CCND3: variants seen among roughly 807,000 people sequenced by gnomAD.
CCND3 encodes G1/S-specific cyclin-D3.
CCND3 carries 9 observed loss-of-function variants against 28.7 expected under a neutral mutation model. The observed-to-expected ratio is 0.31, with a 90% CI of 0.19 to 0.55. CCND3 has a LOEUF of 0.55. Among genes scored for constraint, CCND3 ranks in the 20% least tolerant of loss-of-function variants. The pLI, the probability that CCND3 is intolerant of heterozygous loss-of-function variation, is 0.93. For missense variants in CCND3, 315 were observed against 385.8 expected, an observed-to-expected ratio of 0.82 and a Z score of 1.54; for synonymous variants, 164 against 163.9, an observed-to-expected ratio of 1.00 and a Z score of 0.00.
rs749786888 is a variant in CCND3 at position 41,936,617 on chromosome 6, C to T, written c.653G>A (p.Cys218Tyr). The T allele has an allele frequency of 1.1e-5, 17 of 1,614,218 alleles. No individual in the cohort carries two copies. Among genetic ancestry groups the T allele is most frequent in the Non-Finnish European group, 1.4e-5 (16 of 1,180,032 alleles). ...TGTGAGCTCATCCCCGGACATGGAG[C>T]AGGCACCCAGGCCTTGCACTGCAGC... is the stretch of plus-strand genomic sequence containing the variant. ...IGAAVQGLGA[C>Y]SMSGDELTEL... Residue 218 changes from cysteine (C) to tyrosine (Y), a missense_variant, in exon 4 of 5, where the codon TGC (cysteine) becomes TAC (tyrosine). Physicochemically the swap from Cys to Tyr is radical, Grantham distance 194. Transcript: ENST00000372991. This position sits in a 1 kb window ranked among gnomAD's most constrained non-coding sequence, Gnocchi z 4.4.
At chr6:41,960,137 G>T (rs1561962150) in intron 1 of CCND3, among the ~76,000 whole-genome samples, 1 of 152,144 alleles carries the variant, frequency 6.6e-6, no homozygotes, top group Non-Finnish European at 1.5e-5. Flanking sequence ...ACGTACAAAA[G>T]ACCACATATT....
rs149287478 is a variant in CCND3 at position 41,983,293 on chromosome 6, G to A, written c.-45-42708C>T. Among the ~76,000 whole-genome samples the A allele has an allele frequency of 8.0e-3, 1,202 of 151,016 alleles. 14 individuals are homozygous for A. The highest frequency in any genetic ancestry group is 0.028 in the Middle Eastern group (8 of 290). On this transcript the variant is annotated intron_variant, in intron 1 of 4. Transcript: ENST00000372988. The stretch of plus-strand genomic sequence containing the variant: ...CTCGGGAGGCTGAGGTAGGAAAATC[G>A]CTTGAGCCCAGGAGGTTGCACTGAG...
At chr6:41,964,330 ATGTG>A (rs750342379) in intron 1 of CCND3, among the ~76,000 whole-genome samples, 27 of 94,508 alleles carry the variant, frequency 2.9e-4, no homozygotes, top group Admixed American at 2.0e-3. Context: ...GTGTGTGTGA[ATGTG>A]TGTGTGAATG....
rs1763412418 is a variant in CCND3, at chr6:42,013,916, A to G, written c.-46+34585T>C. Among the ~76,000 whole-genome samples, 3 of 151,972 alleles carry G rather than the reference A, an allele frequency of 2.0e-5. No homozygotes were observed. The South Asian group carries it at 6.2e-4, about 31-fold the overall frequency. On this transcript the variant is annotated intron_variant, in intron 1 of 4. Coordinates refer to the CCND3 transcript ENST00000372988. ...GTAAAACTCCATTTCCACGAAAGAT[A>G]CAAAAATTAGCTGGGCGTGGTGGTG...
rs545320100 is a variant in CCND3 at position 41,986,451 on chromosome 6, A to G, written c.-45-45866T>C. Among the ~76,000 whole-genome samples the G allele has an allele frequency of 1.2e-4, 18 of 152,036 alleles. No homozygotes were observed. The East Asian group carries it at 3.3e-3, about 28-fold the overall frequency. On this transcript the variant is annotated intron_variant, in intron 1 of 4. Transcript: ENST00000372988. Reference sequence around the variant, plus strand: ...ATTTGTGTCTTCTTTAATTTATTTCATCAATATTTTATAGTTTTCTATGTA... The same window carrying G: ...ATTTGTGTCTTCTTTAATTTATTTCGTCAATATTTTATAGTTTTCTATGTA...
rs35776222 is a variant in CCND3, at chr6:41,989,454, C to CAAAAAAAAAAAAAAAAAAAAAAAA, written c.-45-48870_-45-48869insTTTTTTTTTTTTTTTTTTTTTTTT. ...GGGCGACAAGAGTGAAACACTGTCT[C>CAAAAAAAAAAAAAAAAAAAAAAAA]AAAAAAAAAAAACAAAAAAAAAAAA... is the stretch of plus-strand genomic sequence containing the variant. On this transcript the variant is annotated intron_variant, in intron 1 of 4. Coordinates refer to the CCND3 transcript ENST00000372988. Among the ~76,000 whole-genome samples the CAAAAAAAAAAAAAAAAAAAAAAAA allele has an allele frequency of 1.4e-4, 3 of 21,706 alleles. 1 individual carries two copies. The highest frequency in any genetic ancestry group is 4.5e-4 in the Admixed American group (1 of 2,224). 14.2% of individuals were successfully genotyped at this position (21,706 alleles called of 152,430 possible).
chr6:41,962,106 T>C (rs1761734452), intron 1 of CCND3, among the ~76,000 whole-genome samples: 1 of 151,586 alleles, frequency 6.6e-6, no homozygotes, highest in South Asian at 2.1e-4. Flanking sequence ...GCAGTCTTTC[T>C]TTTTTTCTTT....
At chr6:42,032,050 C>T (rs1336891298) in intron 1 of CCND3, among the ~76,000 whole-genome samples, 1 of 152,134 alleles carries the variant, frequency 6.6e-6, no homozygotes, top group Non-Finnish European at 1.5e-5. Context: ...CTTGGCCTCC[C>T]AAAGTGCTGG....
intron 1 of CCND3, among the ~76,000 whole-genome samples, chr6:42,007,737 A>G (rs1042598856): frequency 6.6e-6 from 1 of 152,238 alleles, no homozygotes; most frequent in Non-Finnish European, 1.5e-5. Context: ...CGAGAGCCAG[A>G]AAGGGCTGGA....
At chr6:41,975,257 T>C (rs1582123499) in intron 1 of CCND3, among the ~76,000 whole-genome samples, 1 of 152,224 alleles carries the variant, frequency 6.6e-6, no homozygotes, top group Non-Finnish European at 1.5e-5. Flanking sequence ...ACAAGAACAC[T>C]GTGAGCTTCG....
chr6:41,964,412 CTG>C lies in CCND3; in HGVS notation c.-45-23829_-45-23828del, dbSNP rs565677725. ...TGTGTGCATGTGTGAATGTGTGTGT[CTG>C]TGTGTGAATGTGTTTGTGTGTATGT... is the stretch of plus-strand genomic sequence containing the variant. On this transcript the variant is annotated intron_variant, in intron 1 of 4. Coordinates refer to the CCND3 transcript ENST00000372988. 7.5e-4 allele frequency among the ~76,000 whole-genome samples: 97 copies of C among 129,796 alleles called. 1 individual carries two copies. The highest frequency in any genetic ancestry group is 7.3e-3 in the South Asian group (29 of 4,000). 85.2% of individuals were successfully genotyped at this position (129,796 alleles called of 152,430 possible). A position where few individuals can be genotyped will look rare whatever the true frequency, so the allele number is the denominator to read the frequency against.
intron 1 of CCND3, among the ~76,000 whole-genome samples, chr6:42,042,561 T>C (rs75013041): frequency 6.6e-6 from 1 of 152,140 alleles, no homozygotes; most frequent in Non-Finnish European, 1.5e-5. Context: ...GGTTTCTCCA[T>C]GTCGGTCAGG....
intron 1 of CCND3, chr6:42,011,129 AT>A: frequency 6.6e-6 from 1 of 152,096 alleles, no homozygotes. Flanking sequence ...TCACTGACTG[AT>A]TGATTGACTG....
At chr6:41,950,367 T>G (rs988717476) in intron 1 of CCND3, among the ~76,000 whole-genome samples, 3 of 152,122 alleles carry the variant, frequency 2.0e-5, no homozygotes. Flanking sequence ...TAGTTTGGCT[T>G]AGTCATTAAG....
chr6:41,968,704 C>T (rs1231910325), intron 1 of CCND3, among the ~76,000 whole-genome samples: 1 of 152,160 alleles, frequency 6.6e-6, no homozygotes, highest in Non-Finnish European at 1.5e-5. Flanking sequence ...GATGTTTCAG[C>T]TCTTTTTTCT....
chr6:42,043,402 G>A (rs1327163585), intron 1 of CCND3, among the ~76,000 whole-genome samples: 1 of 152,198 alleles, frequency 6.6e-6, no homozygotes, highest in Non-Finnish European at 1.5e-5. Flanking sequence ...GTGGTGGCGG[G>A]TGCCTGTAAT....
At chr6:42,029,485 T>C (rs1050805887) in intron 1 of CCND3, among the ~76,000 whole-genome samples, 10 of 152,074 alleles carry the variant, frequency 6.6e-5, no homozygotes, top group African/African-American at 2.4e-4. Flanking sequence ...TACAGTGATG[T>C]GGCACCATGC....
chr6:42,024,234 CCT>C (rs1763799373), intron 1 of CCND3, among the ~76,000 whole-genome samples: 1 of 151,466 alleles, frequency 6.6e-6, no homozygotes, highest in African/African-American at 2.4e-5. Flanking sequence ...AAATCCCGTC[CCT>C]ACTAAATATA....
chr6:41,985,643 T>A (rs1204356957), intron 1 of CCND3, among the ~76,000 whole-genome samples: 1 of 54 alleles, frequency 0.019, no homozygotes, highest in African/African-American at 0.019. Context: ...TTTTTTTTTT[T>A]TTTTGAGACG....
Sources: gnomAD v4.1 joint callset for allele counts (sites outside exome capture counted in the v4.1 genomes callset) on GRCh38, gnomAD v4.1.1 for gene constraint, Gnocchi (gnomAD v3.1) non-coding constraint, MANE v1.5 for transcripts, NCBI Gene and HGNC (gene_info 2026-07-23, HGNC 2026-07-21) for gene names.